The following RUVBL1 variants were observed in gnomAD, a reference collection of about 807,000 sequenced individuals.
RUVBL1 encodes the protein RuvB like AAA ATPase 1.
A neutral mutation model predicts 52.4 loss-of-function variants in RUVBL1; 4 were observed. The ratio of observed to expected loss-of-function variants is 0.08; its 90% CI spans 0.04 to 0.17. The LOEUF is 0.17. RUVBL1 is among the 10% of genes least tolerant of loss of function. The pLI is 1.00. For synonymous variants in RUVBL1, 217 were observed against 214.4 expected (o/e 1.01, Z -0.10); for missense variants, 298 against 572.8 (o/e 0.52, Z 4.90).
intron 7 of RUVBL1, among the ~76,000 whole-genome samples, chr3:128,098,448 G>A (rs1943033700): frequency 6.6e-6 from 1 of 152,218 alleles, no homozygotes; most frequent in Non-Finnish European, 1.5e-5. Context: ...AAGAGCAGCA[G>A]GTTAAATAAA....
At chr3:128,069,018 CT>C (rs1942070360) in intron 9 of RUVBL1, 1 of 152,924 alleles carries the variant, frequency 6.5e-6, no homozygotes. Flanking sequence ...TAATATTAAG[CT>C]GCTGGATTTA....
chr3:128,073,684 G>T (rs1350579518), intron 9 of RUVBL1, among the ~76,000 whole-genome samples: 1 of 152,198 alleles, frequency 6.6e-6, no homozygotes, highest in African/African-American at 2.4e-5. Flanking sequence ...ATGGGGAAAT[G>T]GAACAGAAGG....
At chr3:128,073,205 T>C (rs535636667) in intron 9 of RUVBL1, among the ~76,000 whole-genome samples, 1 of 151,812 alleles carries the variant, frequency 6.6e-6, no homozygotes, top group East Asian at 1.9e-4. Context: ...GAATGAGGAG[T>C]CTAGGGAAAC....
chr3:128,074,867 T>TAAAAAA (rs1942264981), intron 9 of RUVBL1, among the ~76,000 whole-genome samples: 1 of 117,424 alleles, frequency 8.5e-6, no homozygotes, highest in Non-Finnish European at 1.9e-5. Context: ...AAAAAAAAAC[T>TAAAAAA]TAAAAAACCA....
chr3:128,134,631 A>AT (rs1406802176), intron 1 of RUVBL1, among the ~76,000 whole-genome samples: 2 of 148,748 alleles, frequency 1.3e-5, no homozygotes, highest in African/African-American at 4.9e-5. Flanking sequence ...TACAAAAAAT[A>AT]AAAATAAAAA....
chr3:128,069,672 C>G (rs1438483999), intron 9 of RUVBL1: 1 of 1,613,162 alleles, frequency 6.2e-7, no homozygotes, highest in Non-Finnish European at 8.5e-7. Context: ...AGCCCGTCTC[C>G]CGGACAGGTT....
At chr3:128,138,806 C>T (rs558827499) in intron 1 of RUVBL1, among the ~76,000 whole-genome samples, 1 of 152,194 alleles carries the variant, frequency 6.6e-6, no homozygotes, top group South Asian at 2.1e-4. Flanking sequence ...AATTATGCTA[C>T]AGAGCTATAG....
chr3:128,099,687 C>T (rs1943070514), intron 6 of RUVBL1, among the ~76,000 whole-genome samples: 1 of 152,134 alleles, frequency 6.6e-6, no homozygotes, highest in Non-Finnish European at 1.5e-5. Flanking sequence ...GGTTACCAGG[C>T]CCTGAGACAC....
At chr3:128,095,613 C>T (rs1033933564) in intron 8 of RUVBL1, among the ~76,000 whole-genome samples, 2 of 152,204 alleles carry the variant, frequency 1.3e-5, no homozygotes, top group Non-Finnish European at 2.9e-5. Flanking sequence ...ATCACGCATT[C>T]GATTCCTAAT....
chr3:128,083,864 G>C (rs1298874125), intron 9 of RUVBL1: 1 of 152,308 alleles, frequency 6.6e-6, no homozygotes, highest in Non-Finnish European at 1.5e-5. Flanking sequence ...GATCACCTGA[G>C]GTCTGGAGTT....
intron 1 of RUVBL1, among the ~76,000 whole-genome samples, chr3:128,151,081 C>G (rs1233352999): frequency 9.3e-6 from 1 of 107,688 alleles, no homozygotes; most frequent in Non-Finnish European, 1.7e-5. Context: ...TATATATTCT[C>G]TATATATCTA....
rs1318477093 is a variant in RUVBL1 at position 128,081,556 on chromosome 3, C to G, written c.1212-147G>C. ...TGCTACGAACACAGAAAAGGGGAGA[C>G]AAAGTTGTCACTTCTCAGAGAGCTG... is the stretch of plus-strand genomic sequence containing the variant. On this transcript the variant is annotated intron_variant, in intron 10 of 10. Transcript: ENST00000322623. This position sits in a 1 kb window ranked among gnomAD's most constrained non-coding sequence, Gnocchi z 4.8. The G allele has an allele frequency of 1.3e-5, 10 of 789,136 alleles. No homozygotes were observed. Among genetic ancestry groups the G allele is most frequent in the South Asian group, 1.9e-5 (1 of 52,544 alleles). The allele number at this position is 789,136 out of a possible 1,614,324, so 48.9% of individuals were successfully genotyped here.
chr3:128,090,481 T>C (rs938902810), intron 8 of RUVBL1, among the ~76,000 whole-genome samples: 1 of 152,218 alleles, frequency 6.6e-6, no homozygotes. Flanking sequence ...ATCGTGTCAC[T>C]GCACTCCAGC....
intron 1 of RUVBL1, among the ~76,000 whole-genome samples, chr3:128,138,380 C>T (rs965083324): frequency 2.6e-5 from 4 of 151,916 alleles, no homozygotes; most frequent in African/African-American, 9.7e-5. Flanking sequence ...GATATAAAGT[C>T]AACATGCAAA....
intron 9 of RUVBL1, chr3:128,069,362 C>A: frequency 2.1e-6 from 2 of 974,074 alleles, no homozygotes; most frequent in Non-Finnish European, 3.1e-6. Flanking sequence ...TTCTAGGAGA[C>A]AGCAGAGGGG....
At chr3:128,126,072 G>C (rs757281781), upstream of RUVBL1, among the ~76,000 whole-genome samples, 2 of 152,178 alleles carry the variant, frequency 1.3e-5, no homozygotes, top group Non-Finnish European at 2.9e-5. Context: ...GGATTACTTG[G>C]TCTAGTGGTT....
chr3:128,083,218 G>C (rs769054707), intron 9 of RUVBL1: 2 of 152,666 alleles, frequency 1.3e-5, no homozygotes, highest in Admixed American at 6.5e-5. Flanking sequence ...TCCTGCAGGC[G>C]TACCAGCACT....
intron 1 of RUVBL1, 83 bp from the exon 2 acceptor site, chr3:128,119,497 A>C (rs1325010787): frequency 9.2e-7 from 1 of 1,092,258 alleles, no homozygotes. Flanking sequence ...GGCCTACACA[A>C]GTCACACACT....
At position 128,080,952 on chromosome 3, in the gene RUVBL1, A is replaced by G. The variant is rs1942455016; in HGVS notation, c.*298T>C. On this transcript the variant is annotated 3_prime_UTR_variant, in exon 11 of 11. Coordinates refer to ENST00000322623, the MANE Select transcript of RUVBL1 (RefSeq NM_003707.3). ...TATTGTATGTTCACAATGACTCTGT[A>G]CATCTAAAACTGTTCTGAAAAGTTT... 1 of 327,198 alleles carries G rather than the reference A, an allele frequency of 3.1e-6. No individual in the cohort carries two copies. Among genetic ancestry groups the G allele is most frequent in the African/African-American group, 2.1e-5 (1 of 48,284 alleles). The allele number at this position is 327,198 out of a possible 1,614,324, so 20.3% of individuals were successfully genotyped here.
Sources: gnomAD v4.1 joint callset for allele counts (sites outside exome capture counted in the v4.1 genomes callset) on GRCh38, gnomAD v4.1.1 for gene constraint, Gnocchi (gnomAD v3.1) non-coding constraint, MANE v1.5 for transcripts, NCBI Gene and HGNC (gene_info 2026-07-23, HGNC 2026-07-21) for gene names.